The following SDR42E2 variants were observed in gnomAD, a reference collection of about 807,000 sequenced individuals.
SDR42E2 encodes the protein putative short-chain dehydrogenase/reductase family 42E member 2.
SDR42E2 carries 20 observed loss-of-function variants against 10.5 expected under a neutral mutation model. The ratio of observed to expected loss-of-function variants is 1.90; its 90% CI spans 1.34 to 2.77. SDR42E2 has a LOEUF of 2.77. Among genes scored for constraint, SDR42E2 ranks in the 30% most tolerant of loss-of-function variants. The pLI is 0.00. For synonymous variants in SDR42E2, 72 were observed against 39.2 expected (o/e 1.84, Z -3.12); for missense variants, 162 against 104.2 (o/e 1.55, Z -2.42).
intron 10 of SDR42E2, among the ~76,000 whole-genome samples, chr16:22,183,042 A>C (rs571987580): frequency 1.3e-5 from 2 of 152,194 alleles, no homozygotes; most frequent in East Asian, 3.9e-4. Context: ...CTCTGGCAAC[A>C]TTGGAACTGG....
chr16:22,169,834 C>A (rs1208970755), intron 5 of SDR42E2, among the ~76,000 whole-genome samples: 1 of 148,516 alleles, frequency 6.7e-6, no homozygotes, highest in Admixed American at 6.7e-5. Flanking sequence ...AGTTCGAGAC[C>A]AGCCTGGCCA....
intron 6 of SDR42E2, among the ~76,000 whole-genome samples, chr16:22,171,470 C>A (rs999603640): frequency 1.3e-5 from 2 of 151,890 alleles, no homozygotes; most frequent in African/African-American, 4.8e-5. Flanking sequence ...CATCTCTTGA[C>A]CTCGTGATCT....
chr16:22,182,085 T>A, intron 9 of SDR42E2, 127 bp from the exon 10 acceptor site: 1 of 424,310 alleles, frequency 2.4e-6, no homozygotes, highest in Non-Finnish European at 4.1e-6. Context: ...ATAGTTCACG[T>A]GTGTCCTCAG....
chr16:22,184,923 G>A (rs2046725698), intron 11 of SDR42E2, among the ~76,000 whole-genome samples: 1 of 152,170 alleles, frequency 6.6e-6, no homozygotes, highest in African/African-American at 2.4e-5. Context: ...ATTCACAACT[G>A]GGCTTGGTGG....
intron 7 of SDR42E2, among the ~76,000 whole-genome samples, chr16:22,176,774 A>G (rs1319994484): frequency 6.6e-6 from 1 of 152,186 alleles, no homozygotes; most frequent in Non-Finnish European, 1.5e-5. Context: ...GCAGCCCTTC[A>G]GACTGTAACC....
At chr16:22,174,274 A>C (rs1169959492) in intron 7 of SDR42E2, among the ~76,000 whole-genome samples, 1 of 152,044 alleles carries the variant, frequency 6.6e-6, no homozygotes, top group Non-Finnish European at 1.5e-5. Context: ...CAGAGGTTGC[A>C]GTGAGCCGAG....
intron 12 of SDR42E2, among the ~76,000 whole-genome samples, chr16:22,187,201 C>T (rs1356112751): frequency 6.6e-6 from 1 of 152,138 alleles, no homozygotes; most frequent in African/African-American, 2.4e-5. Flanking sequence ...GTCCTAGGCT[C>T]ATAGTTCATG....
At chr16:22,171,602 A>G (rs897974081) in intron 6 of SDR42E2, among the ~76,000 whole-genome samples, 19 of 144,450 alleles carry the variant, frequency 1.3e-4, no homozygotes, top group African/African-American at 4.4e-4. Context: ...TCATGATCTC[A>G]GCTCACTGCA....
Position 22,182,281 on chromosome 16 carries a change from G to A in SDR42E2, c.876+4G>A, listed in dbSNP as rs189149549. 1.5e-5 allele frequency: 6 copies of A among 401,290 alleles called. No individual in the cohort carries two copies. In the Admixed American group the frequency reaches 2.2e-4, roughly 15 times the overall value. 24.9% of individuals were successfully genotyped at this position (401,290 alleles called of 1,614,324 possible). On this transcript the variant is annotated splice_donor_region_variant and intron_variant, in intron 10 of 12. Coordinates refer to ENST00000602312, the MANE Select transcript of SDR42E2 (RefSeq NM_001394319.2). ...CTTTGAGTGGATGGCCCCACTGGTA[G>A]GTGCACAGATGCCCACCCACCCCGA...
At chr16:22,180,113 A>AGAG (rs2142074910) in intron 8 of SDR42E2, among the ~76,000 whole-genome samples, 1 of 152,292 alleles carries the variant, frequency 6.6e-6, no homozygotes, top group Non-Finnish European at 1.5e-5. Context: ...ATGAAGTCAC[A>AGAG]GAGGAGCTGG....
In SDR42E2 at chr16:22,173,903, G is replaced by GTATATATATATATATATATATATATA. The variant is rs146432754; in HGVS notation, c.589+1573_589+1574insATATATATATATATATATATATATAT. Among the ~76,000 whole-genome samples, 204 of 112,572 alleles carry GTATATATATATATATATATATATATA rather than the reference G, an allele frequency of 1.8e-3. 3 individuals carry two copies. The highest frequency in any genetic ancestry group is 3.7e-3 in the East Asian group (7 of 1,912). The allele number at this position is 112,572 out of a possible 152,430, so 73.9% of individuals were successfully genotyped here. ...ATGGGCTACGTATATATATGTGTGTGTGTATATATATATATATATATATAT... is the reference window on the plus strand; with the variant it reads ...ATGGGCTACGTATATATATGTGTGTGTATATATATATATATATATATATATATGTATATATATATATATATATATAT... On this transcript the variant is annotated intron_variant, in intron 7 of 12. Coordinates refer to ENST00000602312, the MANE Select transcript of SDR42E2 (RefSeq NM_001394319.2).
Position 22,181,624 on chromosome 16 carries a change from G to A in SDR42E2, c.778G>A (p.Glu260Lys), listed in dbSNP as rs1268683919. The change falls in exon 9 of 13, where the codon GAG (glutamate) becomes AAG (lysine). Residue 260 changes from glutamate to lysine, a missense_variant. By Grantham distance (56) the Glu-to-Lys change is moderately conservative. Coordinates refer to ENST00000602312, the MANE Select transcript of SDR42E2 (RefSeq NM_001394319.2). ...GGTGCAGGCACACGTGCTGGCGGCC[G>A]AGGCCCTCACCACGGCCAAGGGCTA... is the stretch of plus-strand genomic sequence containing the variant. ...NLVQAHVLAA[E>K]ALTTAKGYVA... The A allele has an allele frequency of 2.4e-5, 17 of 702,880 alleles. No homozygotes were observed. Among genetic ancestry groups the A allele is most frequent in the Middle Eastern group, 4.6e-4 (2 of 4,392 alleles). The allele number at this position is 702,880 out of a possible 1,614,324, so 43.5% of individuals were successfully genotyped here.
At chr16:22,187,655 C>G (rs1477607434) in intron 12 of SDR42E2, among the ~76,000 whole-genome samples, 1 of 150,944 alleles carries the variant, frequency 6.6e-6, no homozygotes, top group Non-Finnish European at 1.5e-5. Context: ...GCTGAGATTA[C>G]AGGCATGCAC....
At chr16:22,181,020 A>C (rs1243672353) in intron 8 of SDR42E2, among the ~76,000 whole-genome samples, 1 of 152,054 alleles carries the variant, frequency 6.6e-6, no homozygotes, top group East Asian at 1.9e-4. Context: ...AAAAGAAACA[A>C]TCAAAGGATC....
intron 3 of SDR42E2, 119 bp downstream of exon 3, chr16:22,166,553 G>A: frequency 2.5e-6 from 1 of 402,796 alleles, no homozygotes; most frequent in Non-Finnish European, 4.4e-6. Context: ...GACTGTTTGA[G>A]CTATAGCTCT....
chr16:22,166,894 T>G lies in SDR42E2; in HGVS notation c.241-10T>G. The G allele has an allele frequency of 3.0e-6, 2 of 657,250 alleles. No individual in the cohort carries two copies. The highest frequency in any genetic ancestry group is 3.2e-5 in the South Asian group (2 of 63,216). The allele number at this position is 657,250 out of a possible 1,614,324, so 40.7% of individuals were successfully genotyped here. On this transcript the variant is annotated splice_polypyrimidine_tract_variant and intron_variant, in intron 3 of 12. Coordinates refer to ENST00000602312, the MANE Select transcript of SDR42E2 (RefSeq NM_001394319.2). ...ACCCCCTGCCCTCATCTCTTCTTCC[T>G]CTGGTGCAGGCTGATGTCCGAGATG...
rs371120902 is a variant in SDR42E2 at position 22,181,611 on chromosome 16, C to G, written c.765C>G (p.His255Gln). 42 of 702,914 alleles carry G rather than the reference C, an allele frequency of 6.0e-5. No individual in the cohort carries two copies. Among genetic ancestry groups the G allele is most frequent in the Non-Finnish European group, 2.6e-6 (1 of 385,016 alleles). 43.5% of individuals were successfully genotyped at this position (702,914 alleles called of 1,614,324 possible). ...ACGTACACAATCTGGTGCAGGCACA[C>G]GTGCTGGCGGCCGAGGCCCTCACCA... ...WVHVHNLVQA[H>Q]VLAAEALTTA... The change falls in exon 9 of 13, where the codon CAC becomes CAG. Residue 255 changes from histidine to glutamine, a missense_variant. Transcript: ENST00000602312.
chr16:22,180,540 A>G (rs546399936), intron 8 of SDR42E2, among the ~76,000 whole-genome samples: 1 of 152,192 alleles, frequency 6.6e-6, no homozygotes, highest in African/African-American at 2.4e-5. Context: ...CATTTCTACA[A>G]AAAAATTTAA....
rs1156583920 is a variant in SDR42E2 at position 22,191,081 on chromosome 16, C to G, written c.*688C>G. The G allele has an allele frequency of 6.5e-6, 1 of 154,150 alleles. No homozygotes were observed. Among genetic ancestry groups the G allele is most frequent in the African/African-American group, 2.4e-5 (1 of 41,420 alleles). The allele number at this position is 154,150 out of a possible 1,614,324, so 9.5% of individuals were successfully genotyped here. A position where few individuals can be genotyped will look rare whatever the true frequency, so the allele number is the denominator to read the frequency against. On this transcript the variant is annotated 3_prime_UTR_variant, in exon 13 of 13. Transcript: ENST00000602312. ...CATGACCCTCCCTCCAGGCCCTGGCCCTGCCCCTTTTTTCCTCCCTCCGGC... is the reference window on the plus strand; with the variant it reads ...CATGACCCTCCCTCCAGGCCCTGGCGCTGCCCCTTTTTTCCTCCCTCCGGC...
Sources: gnomAD v4.1 joint callset for allele counts (sites outside exome capture counted in the v4.1 genomes callset) on GRCh38, gnomAD v4.1.1 for gene constraint, MANE v1.5 for transcripts, NCBI Gene and HGNC (gene_info 2026-07-23, HGNC 2026-07-21) for gene names.